Variants in ANKS1A observed in about 807,000 individuals in gnomAD.
ANKS1A encodes ankyrin repeat and sterile alpha motif domain containing 1A, also known as ankyrin repeat and SAM domain-containing protein 1A.
In ANKS1A, 55 loss-of-function variants were observed where a neutral mutation model predicts 120.3. The ratio of observed to expected loss-of-function variants is 0.46; its 90% CI spans 0.37 to 0.57. The LOEUF (loss-of-function observed/expected upper bound fraction) is 0.57, where lower values mean the gene tolerates loss of function less well. Among genes scored for constraint, ANKS1A ranks in the 20% least tolerant of loss-of-function variants. The pLI, the probability that ANKS1A is intolerant of heterozygous loss-of-function variation, is 0.00. For missense variants in ANKS1A, 1,123 were observed against 1,480.3 expected (o/e 0.76, Z 3.96); for synonymous variants, 590 against 604.7 (o/e 0.98, Z 0.36).
Position 34,989,157 on chromosome 6 carries a change from G to C in ANKS1A, c.1210-67G>C. ...TTTTCATTTCTAAGGGCTAAGATGA[G>C]GGCAAACCAAAAAATTAGATACTTA... On this transcript the variant is annotated intron_variant, in intron 8 of 23. Transcript: ENST00000360359. The C allele has an allele frequency of 5.3e-6, 8 of 1,519,558 alleles. No individual in the cohort carries two copies. In the South Asian group the frequency reaches 9.3e-5, roughly 18 times the overall value. 94.1% of individuals were successfully genotyped at this position (1,519,558 alleles called of 1,614,324 possible).
chr6:34,979,588 T>C (rs1486126876), intron 3 of ANKS1A, among the ~76,000 whole-genome samples: 1 of 152,126 alleles, frequency 6.6e-6, no homozygotes, highest in Non-Finnish European at 1.5e-5. Context: ...GTTTTTTTGT[T>C]TTTTTGGTTT....
intron 1 of ANKS1A, among the ~76,000 whole-genome samples, chr6:34,902,875 C>T (rs1767431810): frequency 6.7e-6 from 1 of 148,440 alleles, no homozygotes; most frequent in Admixed American, 6.7e-5. Context: ...CTTCAGTTAC[C>T]ATCATTTCCG....
rs117897448 is a variant in ANKS1A, at chr6:34,896,682, A to G, written c.197+7083A>G. On this transcript the variant is annotated intron_variant, in intron 1 of 23. Transcript: ENST00000360359. ...CGTTTCTACAAAAAATAAAAAAACT[A>G]GGCCAGGCGCAGTGGCTCACGCCTG... Among the ~76,000 whole-genome samples the G allele has an allele frequency of 2.8e-4, 43 of 152,312 alleles. No homozygotes were observed. In the East Asian group the frequency reaches 7.7e-3, roughly 27 times the overall value.
chr6:34,950,241 T>C (rs1770008615), intron 1 of ANKS1A, among the ~76,000 whole-genome samples: 1 of 148,460 alleles, frequency 6.7e-6, no homozygotes, highest in Non-Finnish European at 1.5e-5. Context: ...TTTTTTTTTT[T>C]TTTGGGACGG....
chr6:35,087,970 CGAG>C (rs1778084011), intron 23 of ANKS1A, among the ~76,000 whole-genome samples: 1 of 152,248 alleles, frequency 6.6e-6, no homozygotes, highest in South Asian at 2.1e-4. Flanking sequence ...GTAGAACCAA[CGAG>C]GAGGCGGCCT....
intron 1 of ANKS1A, among the ~76,000 whole-genome samples, chr6:34,927,411 G>C (rs896224799): frequency 6.6e-6 from 1 of 152,108 alleles, no homozygotes; most frequent in Non-Finnish European, 1.5e-5. Flanking sequence ...GGGATGGGAG[G>C]TGAGGGATAT....
intron 11 of ANKS1A, among the ~76,000 whole-genome samples, chr6:35,027,313 C>T (rs955856240): frequency 1.3e-5 from 2 of 152,178 alleles, no homozygotes; most frequent in Admixed American, 1.3e-4. Context: ...CCTGATGAAT[C>T]TTAAATACAT....
intron 1 of ANKS1A, among the ~76,000 whole-genome samples, chr6:34,956,985 G>A (rs1302607323): frequency 6.6e-6 from 1 of 152,166 alleles, no homozygotes; most frequent in African/African-American, 2.4e-5. Flanking sequence ...GCCACCTGGT[G>A]CCCCTAATCC....
chr6:35,049,880 C>T (rs1051572977), intron 11 of ANKS1A, among the ~76,000 whole-genome samples: 4 of 152,182 alleles, frequency 2.6e-5, no homozygotes, highest in Non-Finnish European at 5.9e-5. Context: ...CCAAGTTACA[C>T]CAAAGCTTGA....
chr6:34,915,640 G>GC (rs1768120667), intron 1 of ANKS1A, among the ~76,000 whole-genome samples: 1 of 150,812 alleles, frequency 6.6e-6, no homozygotes, highest in Non-Finnish European at 1.5e-5. Context: ...CTGTATCTTT[G>GC]TTTTTTTTTC....
intron 11 of ANKS1A, among the ~76,000 whole-genome samples, chr6:35,032,642 T>C (rs141120692): frequency 3.3e-5 from 5 of 152,340 alleles, no homozygotes; most frequent in African/African-American, 1.2e-4. Context: ...CTTGCTGCGC[T>C]TGGGCATAGA....
At chr6:35,094,658 G>A (rs140064952), downstream of ANKS1A, among the ~76,000 whole-genome samples, 1 of 152,258 alleles carries the variant, frequency 6.6e-6, no homozygotes, top group Non-Finnish European at 1.5e-5. Context: ...CAGTGGATGG[G>A]CTTAAGAGTG....
intron 1 of ANKS1A, among the ~76,000 whole-genome samples, chr6:34,924,927 A>G (rs1361436763): frequency 6.6e-6 from 1 of 152,182 alleles, no homozygotes; most frequent in Non-Finnish European, 1.5e-5. Context: ...GGCCGATTTC[A>G]GGAGTCTTAA....
At position 35,029,829 on chromosome 6, in the gene ANKS1A, T is replaced by TTA. The variant is rs560730937; in HGVS notation, c.2010+11781_2010+11782dup. Among the ~76,000 whole-genome samples the TTA allele has an allele frequency of 6.1e-3, 903 of 148,234 alleles. 9 individuals are homozygous for TTA. The highest frequency in any genetic ancestry group is 0.021 in the African/African-American group (859 of 40,852). ...TATTATTTGATTACAAATCTATTTTTTATATATATATAGTTACATATTCTA... is the reference window on the plus strand; with the variant it reads ...TATTATTTGATTACAAATCTATTTTTTATATATATATATAGTTACATATTCTA... On this transcript the variant is annotated intron_variant, in intron 11 of 23. Transcript: ENST00000360359.
chr6:35,079,257 CT>C (rs1401985500), intron 14 of ANKS1A, among the ~76,000 whole-genome samples: 1 of 152,146 alleles, frequency 6.6e-6, no homozygotes, highest in Non-Finnish European at 1.5e-5. Flanking sequence ...CAGACCCCCC[CT>C]CCCTACCTAG....
intron 1 of ANKS1A, among the ~76,000 whole-genome samples, chr6:34,966,621 A>G (rs1342698741): frequency 6.6e-6 from 1 of 152,266 alleles, no homozygotes; most frequent in Non-Finnish European, 1.5e-5. Flanking sequence ...GCCAATGCAG[A>G]AACAGAAATA....
chr6:34,996,605 T>C, intron 10 of ANKS1A, among the ~76,000 whole-genome samples: 1 of 152,120 alleles, frequency 6.6e-6, no homozygotes, highest in East Asian at 1.9e-4. Context: ...CCCGAGTAGC[T>C]GAGTCCACAG....
rs1290009848 is a variant in ANKS1A at position 34,889,489 on chromosome 6, C to T, written c.87C>T (p.Ser29=). The change falls in exon 1 of 24, where the codon TCC becomes TCT. Residue 29 remains serine (S), a synonymous_variant. Transcript: ENST00000360359. This position sits in a 1 kb window ranked among gnomAD's most constrained non-coding sequence, Gnocchi z 5.5. The part of the protein sequence containing the change: ...VEKLLSGKRL[S]SGFGGGGGGG... Reference sequence around the variant, plus strand: ...AGCTGCTGTCCGGGAAGCGGCTCTCCTCAGGCTTTGGGGGCGGCGGCGGCG... The same window carrying T: ...AGCTGCTGTCCGGGAAGCGGCTCTCTTCAGGCTTTGGGGGCGGCGGCGGCG... The T allele has an allele frequency of 5.6e-5, 72 of 1,282,526 alleles. No homozygotes were observed. Among genetic ancestry groups the T allele is most frequent in the Non-Finnish European group, 6.6e-5 (68 of 1,022,720 alleles). The allele number at this position is 1,282,526 out of a possible 1,614,324, so 79.4% of individuals were successfully genotyped here. A position where few individuals can be genotyped will look rare whatever the true frequency, so the allele number is the denominator to read the frequency against.
At chr6:34,953,837 T>C (rs1770208333) in intron 1 of ANKS1A, among the ~76,000 whole-genome samples, 1 of 152,170 alleles carries the variant, frequency 6.6e-6, no homozygotes, top group Non-Finnish European at 1.5e-5. Flanking sequence ...ATTGAGTAAA[T>C]ACGCTGAATG....
Sources: gnomAD v4.1 joint callset for allele counts (sites outside exome capture counted in the v4.1 genomes callset) on GRCh38, gnomAD v4.1.1 for gene constraint, Gnocchi (gnomAD v3.1) non-coding constraint, MANE v1.5 for transcripts, NCBI Gene and HGNC (gene_info 2026-07-23, HGNC 2026-07-21) for gene names.